Variants in ADAM11 observed in about 807,000 individuals in gnomAD.
ADAM11 encodes disintegrin and metalloproteinase domain-containing protein 11.
In ADAM11, 49 loss-of-function variants were observed where a neutral mutation model predicts 119.1. The observed-to-expected ratio is 0.41, with a 90% CI of 0.33 to 0.52. The LOEUF is 0.52. ADAM11 is among the 20% of genes least tolerant of loss of function. ADAM11 has a pLI of 0.20. For missense variants in ADAM11, 777 were observed against 1,047.5 expected (o/e 0.74, Z 3.56); for synonymous variants, 364 against 408.0 (o/e 0.89, Z 1.30).
intron 1 of ADAM11, 155 bp downstream of exon 1, chr17:44,759,415 G>A: frequency 2.4e-6 from 3 of 1,256,352 alleles, no homozygotes; most frequent in Non-Finnish European, 3.0e-6. Context: ...GGGAAGGTGC[G>A]TCCACCCACC....
At chr17:44,769,838 G>T (rs746639364) in intron 3 of ADAM11, 44 bp downstream of exon 3, 2 of 1,607,022 alleles carry the variant, frequency 1.2e-6, no homozygotes, top group African/African-American at 1.3e-5. Flanking sequence ...GTGGTGGGGC[G>T]GGGGAGACAT....
At position 44,773,371 on chromosome 17, in the gene ADAM11, C is replaced by T. The variant is rs1484076130; in HGVS notation, c.936C>T (p.Leu312=). ...ACCTCCTGGAGACCCTGGCCCGGCT[C>T]ATGGTCTACCGACGGGAGGGTCTGC... ...QDDLLETLAR[L]MVYRREGLPE... The change falls in exon 11 of 27, where the codon CTC becomes CTT. Residue 312 remains leucine, a synonymous_variant. Transcript: ENST00000200557. This position sits in a 1 kb window ranked among gnomAD's most constrained non-coding sequence, Gnocchi z 4.6. 15 of 1,614,028 alleles carry T rather than the reference C, an allele frequency of 9.3e-6. No individual in the cohort carries two copies. The highest frequency in any genetic ancestry group is 3.4e-6 in the Non-Finnish European group (4 of 1,180,006).
intron 2 of ADAM11, among the ~76,000 whole-genome samples, chr17:44,763,248 TC>T (rs924093402): frequency 3.3e-5 from 5 of 152,126 alleles, no homozygotes; most frequent in African/African-American, 1.2e-4. Flanking sequence ...TCATCACAGC[TC>T]CCAGAGGTGG....
At chr17:44,771,144 A>G in intron 4 of ADAM11, among the ~76,000 whole-genome samples, 1 of 151,830 alleles carries the variant, frequency 6.6e-6, no homozygotes, top group Non-Finnish European at 1.5e-5. Context: ...AAATACAAAA[A>G]TTAGCTATGT....
In ADAM11 at chr17:44,770,023, G is replaced by A. The variant is rs775283762; in HGVS notation, c.356G>A (p.Arg119Gln). 6.8e-6 allele frequency: 11 copies of A among 1,613,972 alleles called. No individual in the cohort carries two copies. Among genetic ancestry groups the A allele is most frequent in the East Asian group, 4.5e-5 (2 of 44,896 alleles). ...CAATACGTGGAGCGCCACTTCAGCC[G>A]GGAGGGGACAACCCAGCACAGCACC... ...SSQYVERHFS[R>Q]EGTTQHSTGA... Residue 119 changes from arginine (R) to glutamine (Q), a missense_variant, in exon 4 of 27, where the codon CGG (arginine) becomes CAG (glutamine). Physicochemically the swap from Arg to Gln is conservative, Grantham distance 43. Coordinates refer to ENST00000200557, the MANE Select transcript of ADAM11 (RefSeq NM_002390.6).
chr17:44,764,055 T>C (rs531363669), intron 2 of ADAM11, among the ~76,000 whole-genome samples: 2 of 152,050 alleles, frequency 1.3e-5, no homozygotes, highest in Non-Finnish European at 2.9e-5. Flanking sequence ...AGCTGCTGTA[T>C]GGGTTATGCC....
In ADAM11 at chr17:44,781,689, GCCTAC is replaced by G. The variant is rs1469376766; in HGVS notation, c.*1939_*1943del. On this transcript the variant is annotated 3_prime_UTR_variant, in exon 27 of 27. Coordinates refer to ENST00000200557, the MANE Select transcript of ADAM11 (RefSeq NM_002390.6). ...ATCCTCCTGCCCCGCCCTGGCGAGT[GCCTAC>G]CCTGGCAGAACCCAGGGAGGAGTGG... 6.6e-6 allele frequency: 1 copy of G among 152,472 alleles called. No homozygotes were observed. Among genetic ancestry groups the G allele is most frequent in the African/African-American group, 2.4e-5 (1 of 41,466 alleles). The allele number at this position is 152,472 out of a possible 1,614,324, so 9.4% of individuals were successfully genotyped here. A position where few individuals can be genotyped will look rare whatever the true frequency, so the allele number is the denominator to read the frequency against.
Position 44,780,332 on chromosome 17 carries a change from C to A in ADAM11, c.*578C>A. 2.8e-6 allele frequency: 1 copy of A among 356,760 alleles called. No homozygotes were observed. Among genetic ancestry groups the A allele is most frequent in the East Asian group, 7.9e-5 (1 of 12,586 alleles). 22.1% of individuals were successfully genotyped at this position (356,760 alleles called of 1,614,324 possible). On this transcript the variant is annotated 3_prime_UTR_variant, in exon 27 of 27. Transcript: ENST00000200557. ...TAGACCCTCCCCAAGGATGACCACA[C>A]CCGAAGTCCTGTCACTGAGCACAGT...
chr17:44,774,240 C>A, intron 11 of ADAM11, 55 bp from the exon 12 acceptor site: 1 of 1,233,924 alleles, frequency 8.1e-7, no homozygotes, highest in Non-Finnish European at 1.1e-6. Context: ...CCACCACCAC[C>A]CGGGGAGCCA....
intron 3 of ADAM11, 81 bp downstream of exon 3, chr17:44,769,875 G>A (rs766473411): frequency 1.2e-6 from 2 of 1,602,428 alleles, no homozygotes; most frequent in Admixed American, 1.7e-5. Context: ...CTGGGGGTCT[G>A]GGGGTTGGGC....
In ADAM11 at chr17:44,773,291, G is replaced by A. The variant is rs374610964; in HGVS notation, c.856G>A (p.Val286Ile). Residue 286 changes from valine (V) to isoleucine (I), a missense_variant, in exon 11 of 27, where the codon GTC becomes ATC. By Grantham distance (29) the Val-to-Ile change is conservative (BLOSUM62 3). Transcript: ENST00000200557. This position sits in a 1 kb window ranked among gnomAD's most constrained non-coding sequence, Gnocchi z 4.6. ...CAAGGAGCAGCTCAACACTCGCATC[G>A]TCCTGGTTGCCATGGAAACATGGGC... ...IYKEQLNTRIVLVAMETWADG... is the reference protein window; with the variant it reads ...IYKEQLNTRIILVAMETWADG... 52 of 1,613,800 alleles carry A rather than the reference G, an allele frequency of 3.2e-5. No individual in the cohort carries two copies. Among genetic ancestry groups the A allele is most frequent in the East Asian group, 1.6e-4 (7 of 44,866 alleles).
intron 2 of ADAM11, among the ~76,000 whole-genome samples, chr17:44,760,525 T>C (rs1191764623): frequency 6.6e-6 from 1 of 152,178 alleles, no homozygotes; most frequent in Admixed American, 6.5e-5. Context: ...AGGAGATTAA[T>C]TGCAATTAAT....
At position 44,781,197 on chromosome 17, in the gene ADAM11, T is replaced by G. The variant is rs1480754238; in HGVS notation, c.*1443T>G. On this transcript the variant is annotated 3_prime_UTR_variant, in exon 27 of 27. Coordinates refer to ENST00000200557, the MANE Select transcript of ADAM11 (RefSeq NM_002390.6). ...CCCGTGAGCTACCTGCTTGAGCCCC[T>G]GTTTCTGGGGCACCTTCGAGGAGGC... 1 of 152,272 alleles carries G rather than the reference T, an allele frequency of 6.6e-6. No individual in the cohort carries two copies. The allele number at this position is 152,272 out of a possible 1,614,324, so 9.4% of individuals were successfully genotyped here.
At position 44,776,664 on chromosome 17, in the gene ADAM11, G is replaced by C. The variant is rs2049605485; in HGVS notation, c.1567-81G>C. On this transcript the variant is annotated intron_variant, in intron 18 of 26. Coordinates refer to ENST00000200557, the MANE Select transcript of ADAM11 (RefSeq NM_002390.6). This position sits in a 1 kb window ranked among gnomAD's most constrained non-coding sequence, Gnocchi z 5.2. ...ATGAGCCCCCAATGGGGGGCACTTGGTACCCCAGCATTCCTCCCTGGGGCA... is the reference window on the plus strand; with the variant it reads ...ATGAGCCCCCAATGGGGGGCACTTGCTACCCCAGCATTCCTCCCTGGGGCA... 1 of 1,536,064 alleles carries C rather than the reference G, an allele frequency of 6.5e-7. No homozygotes were observed. Among genetic ancestry groups the C allele is most frequent in the African/African-American group, 1.4e-5 (1 of 72,990 alleles).
At position 44,781,044 on chromosome 17, in the gene ADAM11, C is replaced by T. The variant is rs561163357; in HGVS notation, c.*1290C>T. ...GAGGGTGGAGCACTGGCTCCTTGAC[C>T]CTAAAAGGTAGCTGGCAGGGGCAAG... On this transcript the variant is annotated 3_prime_UTR_variant, in exon 27 of 27. Coordinates refer to ENST00000200557, the MANE Select transcript of ADAM11 (RefSeq NM_002390.6). 5.0e-4 allele frequency: 77 copies of T among 152,512 alleles called. No homozygotes were observed. Among genetic ancestry groups the T allele is most frequent in the African/African-American group, 1.8e-3 (73 of 41,540 alleles). The allele number at this position is 152,512 out of a possible 1,614,324, so 9.4% of individuals were successfully genotyped here.
Position 44,773,739 on chromosome 17 carries a change from T to C in ADAM11, c.992+312T>C, listed in dbSNP as rs1304369455. ...TGCCCTAGTAGGGAAAAAAATCTAA[T>C]AAAAGGGCCTTGCAACTAGAGATGG... On this transcript the variant is annotated intron_variant, in intron 11 of 26. Transcript: ENST00000200557. The surrounding 1 kb of genome is among the most constrained non-coding windows in gnomAD (Gnocchi z 4.6). 6.6e-6 allele frequency among the ~76,000 whole-genome samples: 1 copy of C among 152,122 alleles called. No individual in the cohort carries two copies. The highest frequency in any genetic ancestry group is 1.5e-5 in the Non-Finnish European group (1 of 68,030).
intron 1 of ADAM11, 153 bp from the exon 2 acceptor site, chr17:44,759,569 C>T: frequency 7.8e-7 from 1 of 1,283,348 alleles, no homozygotes; most frequent in Non-Finnish European, 9.9e-7. Flanking sequence ...CCCGCGGGCT[C>T]TTGCCTCTGC....
intron 11 of ADAM11, 148 bp from the exon 12 acceptor site, chr17:44,774,147 T>A (rs1289636127): frequency 2.1e-6 from 1 of 478,426 alleles, no homozygotes. Context: ...GGGAAGGGTC[T>A]TGCCTGGGGT....
chr17:44,761,677 AG>A (rs1567686678), intron 2 of ADAM11, among the ~76,000 whole-genome samples: 1 of 152,110 alleles, frequency 6.6e-6, no homozygotes, highest in Non-Finnish European at 1.5e-5. Context: ...GACCTCCTCA[AG>A]GGACTTGTTT....
Sources: gnomAD v4.1 joint callset for allele counts (sites outside exome capture counted in the v4.1 genomes callset) on GRCh38, gnomAD v4.1.1 for gene constraint, Gnocchi (gnomAD v3.1) non-coding constraint, MANE v1.5 for transcripts, NCBI Gene and HGNC (gene_info 2026-07-23, HGNC 2026-07-21) for gene names.